UNC13C: variants seen among roughly 807,000 people sequenced by gnomAD.
UNC13C encodes unc-13 homolog C.
In UNC13C, 174 loss-of-function variants were observed where a neutral mutation model predicts 245.4. That is an observed-to-expected ratio of 0.71 (90% confidence interval 0.63 to 0.80). The LOEUF is 0.80. UNC13C is among the 30% of genes least tolerant of loss of function. UNC13C has a pLI of 0.00. For missense variants in UNC13C, 2,829 were observed against 2,602.9 expected, an observed-to-expected ratio of 1.09 and a Z score of -1.89; for synonymous variants, 992 against 895.1, an observed-to-expected ratio of 1.11 and a Z score of -1.93.
the UNC13C span, among the ~76,000 whole-genome samples, chr15:53,858,875 A>T: frequency 6.6e-6 from 1 of 152,196 alleles, no homozygotes; most frequent in East Asian, 1.9e-4. Context: ...TGGAATAATT[A>T]CCCAGCATAA....
rs377069146 is a variant in UNC13C, at chr15:54,536,404, G to A, written c.5696+3338G>A. ...TTCACAGCCAAATTTTATGAGATGC[G>A]TAAAAAAGAGCTAGTACCAATCCTA... On this transcript the variant is annotated intron_variant, in intron 26 of 32. Coordinates refer to ENST00000260323, the MANE Select transcript of UNC13C (RefSeq NM_001080534.3). Among the ~76,000 whole-genome samples, 29 of 151,894 alleles carry A rather than the reference G, an allele frequency of 1.9e-4. No individual in the cohort carries two copies. The East Asian group carries it at 2.9e-3, about 15-fold the overall frequency.
chr15:54,491,584 T>C (rs574950406), intron 19 of UNC13C, among the ~76,000 whole-genome samples: 7 of 152,376 alleles, frequency 4.6e-5, no homozygotes, highest in Non-Finnish European at 7.3e-5. Context: ...GCAAAATCAC[T>C]AATTTGTTCT....
chr15:54,096,728 T>C (rs1424272282), intron 2 of UNC13C, among the ~76,000 whole-genome samples: 2 of 152,190 alleles, frequency 1.3e-5, no homozygotes, highest in South Asian at 2.1e-4. Context: ...TGTACTCGTC[T>C]TCCTCCTTTA....
chr15:53,991,427 T>A (rs917726480), intron 1 of UNC13C, among the ~76,000 whole-genome samples: 12 of 151,988 alleles, frequency 7.9e-5, no homozygotes, highest in Admixed American at 5.9e-4. Context: ...AAAAGTCCAA[T>A]GTGATCAATC....
the UNC13C span, among the ~76,000 whole-genome samples, chr15:53,924,018 C>G: frequency 6.6e-6 from 1 of 152,088 alleles, no homozygotes; most frequent in Non-Finnish European, 1.5e-5. Flanking sequence ...ACCAGCCTAA[C>G]ATGGTGAAAC....
intron 19 of UNC13C, among the ~76,000 whole-genome samples, chr15:54,436,642 A>T (rs186336046): frequency 1.6e-4 from 25 of 152,070 alleles, no homozygotes; most frequent in African/African-American, 4.8e-4. Context: ...GGTGGGGAAC[A>T]TCACACACCA....
chr15:54,256,273 C>A (rs77835431), intron 8 of UNC13C, among the ~76,000 whole-genome samples: 1 of 152,070 alleles, frequency 6.6e-6, no homozygotes, highest in African/African-American at 2.4e-5. Flanking sequence ...TAGGGCATCT[C>A]GGCAAGATCG....
intron 4 of UNC13C, among the ~76,000 whole-genome samples, chr15:54,147,455 G>A (rs1234145732): frequency 6.6e-6 from 1 of 152,018 alleles, no homozygotes; most frequent in Non-Finnish European, 1.5e-5. Context: ...TCCTGACCTC[G>A]TGATCTGCCT....
At chr15:53,913,496 C>A in the UNC13C span, 1 of 152,224 alleles carries the variant, frequency 6.6e-6, no homozygotes, top group Non-Finnish European at 1.5e-5. Flanking sequence ...CAGTTAGTAA[C>A]TGTATATACT....
intron 13 of UNC13C, among the ~76,000 whole-genome samples, chr15:54,317,856 T>A (rs1181169635): frequency 1.3e-5 from 2 of 151,882 alleles, no homozygotes; most frequent in Non-Finnish European, 2.9e-5. Flanking sequence ...TTTAATAAAA[T>A]GTTATATCCT....
At chr15:54,124,647 T>C (rs2030911987) in intron 2 of UNC13C, among the ~76,000 whole-genome samples, 1 of 128,030 alleles carries the variant, frequency 7.8e-6, no homozygotes, top group South Asian at 2.5e-4. Context: ...GTCCAAATAA[T>C]TGATTCTTTC....
intron 1 of UNC13C, among the ~76,000 whole-genome samples, chr15:53,990,365 G>A (rs535584742): frequency 5.9e-5 from 9 of 152,066 alleles, no homozygotes; most frequent in African/African-American, 1.7e-4. Flanking sequence ...GCAAAGTTTA[G>A]GAAGATTAAA....
chr15:54,520,859 A>T (rs1485701790), intron 24 of UNC13C, among the ~76,000 whole-genome samples: 1 of 152,216 alleles, frequency 6.6e-6, no homozygotes, highest in Admixed American at 6.5e-5. Context: ...ATGTGGAGTC[A>T]ACAAGTCTGA....
At chr15:53,956,252 AT>A in the UNC13C span, among the ~76,000 whole-genome samples, 1 of 152,162 alleles carries the variant, frequency 6.6e-6, no homozygotes, top group African/African-American at 2.4e-5. Flanking sequence ...GATAGAATCA[AT>A]CGCATCCCAA....
intron 24 of UNC13C, among the ~76,000 whole-genome samples, chr15:54,514,015 G>A (rs1308361723): frequency 6.6e-6 from 1 of 152,120 alleles, no homozygotes; most frequent in Admixed American, 6.6e-5. Context: ...AGTGCATCAT[G>A]TGTCCTCCCA....
At chr15:54,073,177 C>T (rs1898416948) in intron 2 of UNC13C, among the ~76,000 whole-genome samples, 1 of 152,120 alleles carries the variant, frequency 6.6e-6, no homozygotes, top group South Asian at 2.1e-4. Flanking sequence ...TGGTGGTTTC[C>T]AGCTTCGTCC....
At chr15:54,143,203 G>A (rs1337870538) in intron 3 of UNC13C, among the ~76,000 whole-genome samples, 163 bp downstream of exon 3, 2 of 151,996 alleles carry the variant, frequency 1.3e-5, no homozygotes, top group East Asian at 1.9e-4. Context: ...CCTCTGATAT[G>A]TTGCACTTAT....
chr15:54,605,341 G>A (rs1177025697), intron 30 of UNC13C, among the ~76,000 whole-genome samples: 1 of 151,908 alleles, frequency 6.6e-6, no homozygotes, highest in Non-Finnish European at 1.5e-5. Context: ...TTAATGAGGT[G>A]CTCTTCCTGT....
At chr15:54,120,530 A>G (rs781570471) in intron 2 of UNC13C, among the ~76,000 whole-genome samples, 1 of 152,166 alleles carries the variant, frequency 6.6e-6, no homozygotes, top group Non-Finnish European at 1.5e-5. Context: ...TACAAACACA[A>G]CATCTATTCT....
Sources: allele counts gnomAD v4.1 joint callset (sites outside exome capture counted in the v4.1 genomes callset), GRCh38; gene constraint gnomAD v4.1.1; transcripts MANE v1.5; gene names NCBI Gene and HGNC (gene_info 2026-07-23, HGNC 2026-07-21).